CPED1: variants seen among roughly 807,000 people sequenced by gnomAD.
CPED1 encodes cadherin-like and PC-esterase domain-containing protein 1.
Under a neutral mutation model 128.2 loss-of-function variants are expected in CPED1, and 114 were observed. The observed-to-expected ratio is 0.89, with a 90% CI of 0.76 to 1.04. The LOEUF (loss-of-function observed/expected upper bound fraction) is 1.04, where lower values mean the gene tolerates loss of function less well. CPED1 is among the 50% of genes least tolerant of loss of function. The pLI is 0.00. For missense variants in CPED1, 1,211 were observed against 1,207.1 expected, an observed-to-expected ratio of 1.00 and a Z score of -0.05; for synonymous variants, 462 against 426.7, an observed-to-expected ratio of 1.08 and a Z score of -1.02.
intron 7 of CPED1, among the ~76,000 whole-genome samples, chr7:121,120,265 T>C (rs150449091): frequency 4.7e-4 from 72 of 152,312 alleles, no homozygotes; most frequent in African/African-American, 1.6e-3. Context: ...TTTTCCACCA[T>C]CAAAGCACAA....
At chr7:121,099,316 A>T (rs565358662) in intron 6 of CPED1, among the ~76,000 whole-genome samples, 1 of 152,208 alleles carries the variant, frequency 6.6e-6, no homozygotes, top group East Asian at 1.9e-4. Context: ...TTTATTTTTT[A>T]AATTCAACTT....
chr7:120,998,944 C>T (rs1791748063), intron 2 of CPED1, among the ~76,000 whole-genome samples: 1 of 151,862 alleles, frequency 6.6e-6, no homozygotes, highest in Admixed American at 6.6e-5. Context: ...CATATCTATT[C>T]ATTGGTTTAT....
chr7:121,121,419 T>C (rs1795385033), intron 7 of CPED1, among the ~76,000 whole-genome samples: 1 of 152,236 alleles, frequency 6.6e-6, no homozygotes, highest in Non-Finnish European at 1.5e-5. Flanking sequence ...TGACTGGTTT[T>C]ACGACCATGA....
chr7:121,256,132 A>AAAAAAAAAAAAC (rs1562852772), intron 18 of CPED1, among the ~76,000 whole-genome samples: 4 of 148,052 alleles, frequency 2.7e-5, no homozygotes, highest in African/African-American at 1.0e-4. Context: ...AACAAAACAA[A>AAAAAAAAAAAAC]AAAAAAAAAC....
At chr7:121,133,999 A>G (rs1175932545) in intron 13 of CPED1, 106 bp downstream of exon 13, 2 of 641,596 alleles carry the variant, frequency 3.1e-6, no homozygotes, top group African/African-American at 3.8e-5. Context: ...TGAAAATTAA[A>G]TGAGGAAATG....
chr7:121,149,679 C>CTTCAAGT (rs1308905354), intron 16 of CPED1: 1 of 152,160 alleles, frequency 6.6e-6, no homozygotes, highest in Non-Finnish European at 1.5e-5. Context: ...CTCATTGTTG[C>CTTCAAGT]TTCAAGTTTA....
Position 121,252,273 on chromosome 7 carries a change from G to A in CPED1, c.2310+7935G>A, listed in dbSNP as rs1033369718. 1.5e-4 allele frequency among the ~76,000 whole-genome samples: 23 copies of A among 152,028 alleles called. 1 individual carries two copies. The highest frequency in any genetic ancestry group is 1.2e-3 in the Admixed American group (18 of 15,264). ...ACTGGCTAGCCATATGTAGAAAGCT[G>A]AAACTGGATCCCTTCCTTACCCCTT... On this transcript the variant is annotated intron_variant, in intron 18 of 22. Coordinates refer to ENST00000310396, the MANE Select transcript of CPED1 (RefSeq NM_024913.5).
At chr7:121,252,885 A>G (rs1005870569) in intron 18 of CPED1, among the ~76,000 whole-genome samples, 3 of 152,314 alleles carry the variant, frequency 2.0e-5, no homozygotes, top group East Asian at 1.9e-4. Flanking sequence ...TAGTTCAACC[A>G]TTGTGGAAGT....
At chr7:121,206,441 A>G (rs1797516843) in intron 16 of CPED1, among the ~76,000 whole-genome samples, 1 of 129,278 alleles carries the variant, frequency 7.7e-6, no homozygotes, top group South Asian at 2.5e-4. Context: ...TTTAAAGCAC[A>G]TTTCTAAGAT....
chr7:121,271,452 G>A, intron 22 of CPED1, 22 bp downstream of exon 22: 1 of 1,601,420 alleles, frequency 6.2e-7, no homozygotes, highest in Non-Finnish European at 8.5e-7. Context: ...GGCTATCTGA[G>A]TTTTATAGCT....
At chr7:121,246,486 G>A (rs1477780354) in intron 18 of CPED1, among the ~76,000 whole-genome samples, 1 of 152,140 alleles carries the variant, frequency 6.6e-6, no homozygotes, top group African/African-American at 2.4e-5. Context: ...GGCTTCTGTT[G>A]ACTGCCTTCT....
intron 3 of CPED1, among the ~76,000 whole-genome samples, chr7:121,023,762 ACTTCT>A (rs1792500730): frequency 1.3e-5 from 2 of 151,958 alleles, no homozygotes; most frequent in African/African-American, 4.8e-5. Flanking sequence ...AGCCTAATGA[ACTTCT>A]CTTCTCATTT....
intron 16 of CPED1, among the ~76,000 whole-genome samples, chr7:121,224,254 T>A (rs1013674370): frequency 6.6e-6 from 1 of 152,188 alleles, no homozygotes; most frequent in Admixed American, 6.6e-5. Context: ...TCAGTTTCCA[T>A]GTAGTTGTGC....
chr7:121,211,554 T>C (rs1159153200), intron 16 of CPED1, among the ~76,000 whole-genome samples: 1 of 1,582 alleles, frequency 6.3e-4, no homozygotes, highest in African/African-American at 1.1e-3. Flanking sequence ...GCATATCTGA[T>C]TGGGACAGCA....
chr7:121,261,530 T>C (rs1461440164), intron 18 of CPED1: 11 of 1,503,454 alleles, frequency 7.3e-6, no homozygotes, highest in Non-Finnish European at 1.0e-5. Flanking sequence ...TATTTGGCCA[T>C]GAGACTGAGT....
At chr7:121,062,794 C>A (rs572454097) in intron 4 of CPED1, 1 of 152,218 alleles carries the variant, frequency 6.6e-6, no homozygotes, top group South Asian at 2.1e-4. Flanking sequence ...TTTCCCCCAT[C>A]CTATTCTCGT....
intron 7 of CPED1, among the ~76,000 whole-genome samples, chr7:121,111,273 C>G (rs1454931385): frequency 6.6e-6 from 1 of 152,174 alleles, no homozygotes; most frequent in Non-Finnish European, 1.5e-5. Flanking sequence ...TTCACTTCCT[C>G]TCTCTGCCTT....
At chr7:121,288,165 A>T (rs1024076904) in intron 22 of CPED1, among the ~76,000 whole-genome samples, 9 of 152,232 alleles carry the variant, frequency 5.9e-5, no homozygotes, top group African/African-American at 2.2e-4. Flanking sequence ...GATTCAATTC[A>T]CAATGGCAAA....
chr7:121,001,208 G>A (rs572637662), intron 2 of CPED1, among the ~76,000 whole-genome samples: 15 of 152,192 alleles, frequency 9.9e-5, no homozygotes, highest in African/African-American at 2.4e-4. Context: ...CATATTCCAC[G>A]GGGTTTCCAG....
Sources: allele counts gnomAD v4.1 joint callset (sites outside exome capture counted in the v4.1 genomes callset), GRCh38; gene constraint gnomAD v4.1.1; transcripts MANE v1.5; gene names NCBI Gene and HGNC (gene_info 2026-07-23, HGNC 2026-07-21).